Variants in MAPK6 observed in about 807,000 individuals in gnomAD.
The protein encoded by MAPK6 is mitogen-activated protein kinase 6.
In MAPK6, 19 loss-of-function variants were observed where a neutral mutation model predicts 59.3. The ratio of observed to expected loss-of-function variants is 0.32; its 90% CI spans 0.22 to 0.47. MAPK6 has a LOEUF of 0.47. Ranked by LOEUF, MAPK6 falls within the 20% of genes least tolerant of loss-of-function variation. MAPK6 has a pLI of 1.00. For synonymous variants in MAPK6, 316 were observed against 290.3 expected (o/e 1.09, Z -0.90); for missense variants, 724 against 847.9 (o/e 0.85, Z 1.81).
rs763244655 is a variant in MAPK6 at position 52,064,143 on chromosome 15, G to C, written c.1309G>C (p.Asp437His). Residue 437 changes from aspartate to histidine, a missense_variant, in exon 6 of 6, where the codon GAT (aspartate) becomes CAT (histidine). Around this residue, in one of 4 missense-constraint regions of MAPK6, gnomAD observed 502 missense variants for 507.6 expected, o/e 0.99. Transcript: ENST00000261845. ...YSDHHENKYC[D>H]LECSHTCNYK... ...AGATCATCATGAAAACAAATATTGT[G>C]ATCTGGAGTGTAGCCATACTTGTAA... The C allele has an allele frequency of 6.2e-7, 1 of 1,612,968 alleles. No homozygotes were observed. Among genetic ancestry groups the C allele is most frequent in the East Asian group, 2.2e-5 (1 of 44,846 alleles).
At chr15:51,992,035 C>A (rs2057210291) in intron 2 of MAPK6, among the ~76,000 whole-genome samples, 1 of 152,120 alleles carries the variant, frequency 6.6e-6, no homozygotes, top group Non-Finnish European at 1.5e-5. Flanking sequence ...CAGTTCACTG[C>A]AGCCTCGACA....
intron 1 of MAPK6, among the ~76,000 whole-genome samples, chr15:52,022,651 A>G (rs2030580560): frequency 6.6e-6 from 1 of 152,072 alleles, no homozygotes; most frequent in Admixed American, 6.5e-5. Context: ...TTTTTTTACA[A>G]AGTTTAATTC....
Position 52,064,628 on chromosome 15 carries a change from G to T in MAPK6, c.1794G>T (p.Val598=). The T allele has an allele frequency of 1.2e-6, 2 of 1,611,772 alleles. No homozygotes were observed. Among genetic ancestry groups the T allele is most frequent in the Non-Finnish European group, 1.7e-6 (2 of 1,179,696 alleles). ...LYQSSWDSQF[V]SGGEDCFFIN... ...AGTCTTCTTGGGACAGCCAGTTTGTGAGTGGTGGGGAGGACTGTTTTTTCA... is the reference window on the plus strand; with the variant it reads ...AGTCTTCTTGGGACAGCCAGTTTGTTAGTGGTGGGGAGGACTGTTTTTTCA... Residue 598 remains valine (V), a synonymous_variant, in exon 6 of 6, where the codon GTG becomes GTT. Transcript: ENST00000261845.
At chr15:52,043,334 T>A (rs2031485002) in intron 1 of MAPK6, among the ~76,000 whole-genome samples, 1 of 152,050 alleles carries the variant, frequency 6.6e-6, no homozygotes, top group Non-Finnish European at 1.5e-5. Context: ...ATCTTGCTCT[T>A]TTGCCCAGGC....
At chr15:52,057,558 C>CAA (rs11322169) in intron 3 of MAPK6, among the ~76,000 whole-genome samples, 5,534 of 149,254 alleles carry the variant, frequency 0.037, 157 homozygotes, top group East Asian at 0.077. Flanking sequence ...TCCTTTGTCT[C>CAA]AAAAAAAAAA....
intron 1 of MAPK6, among the ~76,000 whole-genome samples, chr15:52,039,208 C>T (rs1348219147): frequency 6.6e-6 from 1 of 152,170 alleles, no homozygotes; most frequent in Non-Finnish European, 1.5e-5. Flanking sequence ...TGGAGTTTGA[C>T]CATGTTGGTC....
intron 5 of MAPK6, among the ~76,000 whole-genome samples, chr15:52,062,404 AG>A (rs1311056279): frequency 6.6e-6 from 1 of 152,238 alleles, no homozygotes; most frequent in African/African-American, 2.4e-5. Flanking sequence ...AGACTTTTTT[AG>A]GTCTAAACAT....
At chr15:51,995,892 C>CTAG (rs1013480584) in intron 2 of MAPK6, among the ~76,000 whole-genome samples, 48 of 151,804 alleles carry the variant, frequency 3.2e-4, no homozygotes, top group African/African-American at 1.1e-3. Flanking sequence ...CACAGCACTA[C>CTAG]ACTCCAGCCT....
chr15:52,022,665 CTT>C (rs2030581145), intron 1 of MAPK6, among the ~76,000 whole-genome samples: 1 of 150,714 alleles, frequency 6.6e-6, no homozygotes, highest in South Asian at 2.1e-4. Flanking sequence ...TTAATTCAAA[CTT>C]AAAAAAAATT....
intron 1 of MAPK6, among the ~76,000 whole-genome samples, chr15:52,022,997 C>T (rs563672476): frequency 3.3e-5 from 5 of 149,514 alleles, no homozygotes. Flanking sequence ...ATCCCAGCTA[C>T]TCAGGAGGCT....
At chr15:52,048,149 T>G (rs922694007) in intron 2 of MAPK6, among the ~76,000 whole-genome samples, 12 of 152,080 alleles carry the variant, frequency 7.9e-5, no homozygotes, top group African/African-American at 2.7e-4. Flanking sequence ...ATTTTTATTT[T>G]TATTTATTTA....
intron 2 of MAPK6, among the ~76,000 whole-genome samples, chr15:52,003,449 T>C (rs1319690076): frequency 1.3e-5 from 2 of 152,182 alleles, no homozygotes; most frequent in African/African-American, 2.4e-5. Context: ...GCACATCTTC[T>C]TGGGCAAGGT....
At chr15:52,014,539 T>G (rs1231113354), upstream of MAPK6, among the ~76,000 whole-genome samples, 4 of 151,858 alleles carry the variant, frequency 2.6e-5, no homozygotes, top group Admixed American at 1.3e-4. Context: ...TAGTGAGACC[T>G]CATCTTTACA....
intron 2 of MAPK6, among the ~76,000 whole-genome samples, chr15:51,986,486 A>G (rs1205031834): frequency 6.6e-6 from 1 of 152,122 alleles, no homozygotes; most frequent in Non-Finnish European, 1.5e-5. Context: ...ATTTTGGGTG[A>G]TTTTTATTTT....
At chr15:52,007,452 TCTTGA>T (rs2029926662) in intron 3 of MAPK6, among the ~76,000 whole-genome samples, 2 of 152,240 alleles carry the variant, frequency 1.3e-5, no homozygotes, top group African/African-American at 4.8e-5. Context: ...GCTCTCTCTC[TCTTGA>T]CTTGTTACAG....
intron 1 of MAPK6, among the ~76,000 whole-genome samples, chr15:51,974,720 T>C (rs892425569): frequency 3.3e-5 from 5 of 149,868 alleles, no homozygotes; most frequent in Admixed American, 6.6e-5. Flanking sequence ...GGAGAATTTC[T>C]TTTTTCCCCC....
chr15:51,997,365 G>A (rs148879931), intron 2 of MAPK6, among the ~76,000 whole-genome samples: 202 of 149,382 alleles, frequency 1.4e-3, no homozygotes, highest in African/African-American at 4.9e-3. Context: ...TCTGCCTCCC[G>A]GGTTCAAATG....
At chr15:52,061,543 T>A in intron 5 of MAPK6, 43 bp downstream of exon 5, 6 of 1,417,312 alleles carry the variant, frequency 4.2e-6, no homozygotes, top group Non-Finnish European at 6.0e-6. Context: ...TACTGAACTT[T>A]CAGTGGACCA....
intron 1 of MAPK6, among the ~76,000 whole-genome samples, chr15:52,024,319 A>G (rs372727070): frequency 8.5e-5 from 13 of 152,264 alleles, no homozygotes; most frequent in African/African-American, 3.1e-4. Flanking sequence ...TCACCTGGGA[A>G]CTTGATAGAC....
Sources: allele counts gnomAD v4.1 joint callset (sites outside exome capture counted in the v4.1 genomes callset), GRCh38; gene constraint gnomAD v4.1.1; regional missense constraint gnomAD v4.1.1; transcripts MANE v1.5; gene names NCBI Gene and HGNC (gene_info 2026-07-23, HGNC 2026-07-21).